The following TTLL10 variants were observed in gnomAD, a reference collection of about 807,000 sequenced individuals.
TTLL10 encodes the protein inactive polyglycylase TTLL10.
Under a neutral mutation model 69.0 loss-of-function variants are expected in TTLL10, and 61 were observed. The observed-to-expected ratio is 0.88, with a 90% CI of 0.72 to 1.09. The LOEUF is 1.09. Ranked by LOEUF, TTLL10 falls within the 50% of genes least tolerant of loss-of-function variation. The pLI, the probability that TTLL10 is intolerant of heterozygous loss-of-function variation, is 0.00. For synonymous variants in TTLL10, 408 were observed against 393.3 expected (o/e 1.04, Z -0.44); for missense variants, 962 against 945.9 (o/e 1.02, Z -0.22).
rs1193126040 is a variant in TTLL10 at position 1,197,437 on chromosome 1, G to T, written c.1613-1G>T. 1.5e-6 allele frequency: 2 copies of T among 1,312,870 alleles called. No homozygotes were observed. The highest frequency in any genetic ancestry group is 1.3e-5 in the South Asian group (1 of 79,770). The allele number at this position is 1,312,870 out of a possible 1,614,324, so 81.3% of individuals were successfully genotyped here. A position where few individuals can be genotyped will look rare whatever the true frequency, so the allele number is the denominator to read the frequency against. ...CACCCTCTCTCCCCCACCCGCACCA[G>T]ACCTGGTGCTCGAGACCTTCCGGAA... is the stretch of plus-strand genomic sequence containing the variant. On this transcript the variant is annotated splice_acceptor_variant, in intron 15 of 15. Coordinates refer to ENST00000379289, the MANE Select transcript of TTLL10 (RefSeq NM_001130045.2). LOFTEE classifies it high-confidence loss of function.
chr1:1,188,709 C>T lies in TTLL10; in HGVS notation c.1401+3600C>T, dbSNP rs7416953. Among the ~76,000 whole-genome samples the T allele has an allele frequency of 6.6e-3, 999 of 152,148 alleles. 13 individuals are homozygous for T. The highest frequency in any genetic ancestry group is 0.02 in the African/African-American group (850 of 41,532). On this transcript the variant is annotated intron_variant, in intron 13 of 15. Coordinates refer to ENST00000379289, the MANE Select transcript of TTLL10 (RefSeq NM_001130045.2). The stretch of plus-strand genomic sequence containing the variant: ...TGTGAGCCACCACACCCAGCCTCAT[C>T]GAAATTTTAATAGGCATTGCATTGA...
At chr1:1,196,419 TTGAG>T in intron 13 of TTLL10, 177 bp from the exon 14 acceptor site, 1 of 598,694 alleles carries the variant, frequency 1.7e-6, no homozygotes, top group Non-Finnish European at 3.1e-6. Flanking sequence ...CACGAGTTTG[TTGAG>T]TGAGTTTCTG....
rs564433654 is a variant in TTLL10, at chr1:1,184,084, C to T, written c.1253C>T (p.Thr418Ile). 6.8e-6 allele frequency: 11 copies of T among 1,614,208 alleles called. No individual in the cohort carries two copies. In the South Asian group the frequency reaches 1.2e-4, roughly 18 times the overall value. The change falls in exon 12 of 16, where the codon ACC becomes ATC. Residue 418 changes from threonine (T) to isoleucine (I), a missense_variant. Thr to Ile is a moderately conservative substitution (Grantham distance 89). Transcript: ENST00000379289. ...TCCAGCGACCTCGGCGGCCACTTGA[C>T]CAACCAGGTGAGTCTGCCATGGGTG... The part of the protein sequence containing the change: ...PHSSDLGGHL[T>I]NQFMQKKSPL...
Position 1,197,470 on chromosome 1 carries a change from C to T in TTLL10, c.1645C>T (p.Arg549Cys), listed in dbSNP as rs1343431410. Residue 549 changes from arginine (R) to cysteine (C), a missense_variant, in exon 16 of 16, where the codon CGC (arginine) becomes TGC (cysteine). Coordinates refer to ENST00000379289, the MANE Select transcript of TTLL10 (RefSeq NM_001130045.2). Reference sequence around the variant, plus strand: ...GCTCGAGACCTTCCGGAAGAGCCTGCGCGGCCAGAAGATGTTGCCTCTGCT... The same window carrying T: ...GCTCGAGACCTTCCGGAAGAGCCTGTGCGGCCAGAAGATGTTGCCTCTGCT... ...LVLETFRKSL[R>C]GQKMLPLLSQ... The T allele has an allele frequency of 6.5e-6, 10 of 1,545,146 alleles. No individual in the cohort carries two copies. The highest frequency in any genetic ancestry group is 2.8e-5 in the African/African-American group (2 of 72,698).
chr1:1,194,962 T>C (rs1352865900), intron 13 of TTLL10, among the ~76,000 whole-genome samples: 1 of 152,182 alleles, frequency 6.6e-6, no homozygotes, highest in African/African-American at 2.4e-5. Flanking sequence ...CACAAGTCTC[T>C]GAGGCTTTAT....
intron 5 of TTLL10, 91 bp downstream of exon 5, chr1:1,179,828 A>T: frequency 6.8e-7 from 1 of 1,465,014 alleles, no homozygotes; most frequent in South Asian, 1.4e-5. Flanking sequence ...CTGGCCCTGG[A>T]GGGTGGTCAC....
chr1:1,185,624 T>C lies in TTLL10; in HGVS notation c.1401+515T>C. The C allele has an allele frequency of 3.0e-6, 3 of 986,836 alleles. No individual in the cohort carries two copies. The highest frequency in any genetic ancestry group is 3.6e-6 in the Non-Finnish European group (3 of 830,970). 61.1% of individuals were successfully genotyped at this position (986,836 alleles called of 1,614,324 possible). A position where few individuals can be genotyped will look rare whatever the true frequency, so the allele number is the denominator to read the frequency against. The stretch of plus-strand genomic sequence containing the variant: ...AAACAGCCCTAGCAGCAAAGGCCCT[T>C]GAGCAGCGCGGTGTGAAACTGGGAT... On this transcript the variant is annotated intron_variant, in intron 13 of 15. Transcript: ENST00000379289. The surrounding 1 kb of genome is among the most constrained non-coding windows in gnomAD (Gnocchi z 6.1).
In TTLL10 at chr1:1,197,701, G is replaced by A. The variant is rs764682378; in HGVS notation, c.1876G>A (p.Gly626Ser). 106 of 1,514,842 alleles carry A rather than the reference G, an allele frequency of 7.0e-5. 1 individual carries two copies. In the East Asian group the frequency reaches 2.2e-3, roughly 31 times the overall value. The allele number at this position is 1,514,842 out of a possible 1,614,324, so 93.8% of individuals were successfully genotyped here. A position where few individuals can be genotyped will look rare whatever the true frequency, so the allele number is the denominator to read the frequency against. The change falls in exon 16 of 16, where the codon GGC becomes AGC. Residue 626 changes from glycine (G) to serine (S), a missense_variant. Coordinates refer to ENST00000379289, the MANE Select transcript of TTLL10 (RefSeq NM_001130045.2). ...PLVPQRPRPP[G>S]PDLDSAHDGE... ...GGTGCCGCAGCGTCCCCGGCCACCC[G>A]GCCCCGACCTGGACAGCGCCCACGA...
In TTLL10 at chr1:1,180,312, T is replaced by C. The variant is rs1647009731; in HGVS notation, c.478T>C (p.Tyr160His). 4 of 1,583,476 alleles carry C rather than the reference T, an allele frequency of 2.5e-6. No individual in the cohort carries two copies. The highest frequency in any genetic ancestry group is 2.6e-6 in the Non-Finnish European group (3 of 1,165,776). The change falls in exon 6 of 16, where the codon TAC (tyrosine) becomes CAC (histidine). Residue 160 changes from tyrosine (Y) to histidine (H), a missense_variant. Transcript: ENST00000379289. ...PHSTRPGPFF[Y>H]IGGSNGATII... Reference sequence around the variant, plus strand: ...CAGCACCCGGCCGGGGCCCTTCTTCTACATTGGAGGCAGCAACGGGGCCAC... The same window carrying C: ...CAGCACCCGGCCGGGGCCCTTCTTCCACATTGGAGGCAGCAACGGGGCCAC...
intron 11 of TTLL10, 116 bp from the exon 12 acceptor site, chr1:1,183,804 C>A: frequency 2.2e-6 from 3 of 1,377,946 alleles, no homozygotes; most frequent in Admixed American, 1.8e-5. Context: ...GGAGGTCACA[C>A]CTGGGACAGA....
intron 13 of TTLL10, among the ~76,000 whole-genome samples, chr1:1,192,175 T>C (rs1288943523): frequency 6.6e-6 from 1 of 152,284 alleles, no homozygotes; most frequent in Non-Finnish European, 1.5e-5. Flanking sequence ...ATCTTCTGTC[T>C]CTGTATTGAA....
At chr1:1,182,139 GGT>G (rs1304999804) in intron 9 of TTLL10, among the ~76,000 whole-genome samples, 1 of 152,234 alleles carries the variant, frequency 6.6e-6, no homozygotes, top group African/African-American at 2.4e-5. Context: ...GAGGGGCCCG[GGT>G]GGGGGTCAGC....
intron 15 of TTLL10, 58 bp from the exon 16 acceptor site, chr1:1,197,366 CTCACACCCTCCCCA>C: frequency 1.2e-6 from 1 of 801,678 alleles, no homozygotes; most frequent in Non-Finnish European, 2.0e-6. Context: ...GGTCCCACCC[CTCACACCCTCCCCA>C]CCCCCTCCAG....
chr1:1,195,992 T>C (rs948949796), intron 13 of TTLL10, among the ~76,000 whole-genome samples: 6 of 151,542 alleles, frequency 4.0e-5, no homozygotes, highest in Admixed American at 3.9e-4. Context: ...GCCAGGCTGG[T>C]CTCAAACTCC....
At chr1:1,177,830 C>A (rs1646922588) in intron 3 of TTLL10, among the ~76,000 whole-genome samples, 1 of 152,200 alleles carries the variant, frequency 6.6e-6, no homozygotes, top group Admixed American at 6.5e-5. Flanking sequence ...CAGCCTCTTC[C>A]AAAAGTCCTC....
chr1:1,182,798 GA>G, intron 10 of TTLL10, 77 bp from the exon 11 acceptor site: 2 of 1,469,634 alleles, frequency 1.4e-6, no homozygotes, highest in East Asian at 2.5e-5. Context: ...GCCTGGAGGG[GA>G]GGGTCCTGGT....
rs1044417626 is a variant in TTLL10 at position 1,181,491 on chromosome 1, C to A, written c.756-250C>A. Reference sequence around the variant, plus strand: ...CACCAAGCACCCGCCCAGCCAACCGCAGCTGCCTCCATCTGCACCCCCCGC... The same window carrying A: ...CACCAAGCACCCGCCCAGCCAACCGAAGCTGCCTCCATCTGCACCCCCCGC... On this transcript the variant is annotated intron_variant, in intron 8 of 15. Transcript: ENST00000379289. This position sits in a 1 kb window ranked among gnomAD's most constrained non-coding sequence, Gnocchi z 4.6. Among the ~76,000 whole-genome samples, 2 of 152,026 alleles carry A rather than the reference C, an allele frequency of 1.3e-5. No individual in the cohort carries two copies.
intron 3 of TTLL10, among the ~76,000 whole-genome samples, chr1:1,178,289 G>T (rs141945105): frequency 1.3e-5 from 2 of 152,188 alleles, no homozygotes; most frequent in East Asian, 1.9e-4. Context: ...GCCGGGCACA[G>T]TGGCTCACAC....
chr1:1,193,422 C>A (rs1647977320), intron 13 of TTLL10, among the ~76,000 whole-genome samples: 1 of 151,910 alleles, frequency 6.6e-6, no homozygotes, highest in Non-Finnish European at 1.5e-5. Flanking sequence ...TCCTCAGTTT[C>A]TCCATTACTG....
Sources: allele counts gnomAD v4.1 joint callset (sites outside exome capture counted in the v4.1 genomes callset), GRCh38; gene constraint gnomAD v4.1.1; non-coding constraint Gnocchi (gnomAD v3.1); transcripts MANE v1.5; gene names NCBI Gene and HGNC (gene_info 2026-07-23, HGNC 2026-07-21).